The following UNC13C variants were observed in gnomAD, a reference collection of about 807,000 sequenced individuals.
UNC13C encodes protein unc-13 homolog C.
In UNC13C, 174 loss-of-function variants were observed where a neutral mutation model predicts 245.4. The observed-to-expected ratio is 0.71, with a 90% CI of 0.63 to 0.80. The LOEUF is 0.80. Among genes scored for constraint, UNC13C ranks in the 30% least tolerant of loss-of-function variants. The pLI, the probability that UNC13C is intolerant of heterozygous loss-of-function variation, is 0.00. For missense variants in UNC13C, 2,829 were observed against 2,602.9 expected, an observed-to-expected ratio of 1.09 and a Z score of -1.89; for synonymous variants, 992 against 895.1, an observed-to-expected ratio of 1.11 and a Z score of -1.93.
chr15:54,517,724 A>C (rs1011832021), intron 24 of UNC13C, among the ~76,000 whole-genome samples: 2 of 152,198 alleles, frequency 1.3e-5, no homozygotes, highest in African/African-American at 4.8e-5. Context: ...TAGGAACTGG[A>C]GATACATTAA....
the UNC13C span, among the ~76,000 whole-genome samples, chr15:53,927,221 T>G: frequency 1.3e-5 from 2 of 152,296 alleles, no homozygotes; most frequent in African/African-American, 4.8e-5. Context: ...GAATCAGGAT[T>G]TAACCTAGGC....
At chr15:54,390,903 GA>G (rs1279513401) in intron 17 of UNC13C, among the ~76,000 whole-genome samples, 1 of 140,436 alleles carries the variant, frequency 7.1e-6, no homozygotes, top group Non-Finnish European at 1.6e-5. Flanking sequence ...CCTGGTTTAT[GA>G]TAGTATTGTG....
At chr15:54,410,624 T>TC (rs1329955706) in intron 18 of UNC13C, among the ~76,000 whole-genome samples, 1 of 152,150 alleles carries the variant, frequency 6.6e-6, no homozygotes, top group East Asian at 1.9e-4. Flanking sequence ...GGGAGTCGTT[T>TC]CCCCATTGCT....
the UNC13C span, among the ~76,000 whole-genome samples, chr15:53,968,417 T>C: frequency 5.3e-5 from 8 of 152,132 alleles, no homozygotes; most frequent in African/African-American, 1.9e-4. Context: ...CACAGAAATA[T>C]AGAATGTATC....
At chr15:54,395,596 A>G (rs2040053628) in intron 18 of UNC13C, among the ~76,000 whole-genome samples, 1 of 151,894 alleles carries the variant, frequency 6.6e-6, no homozygotes, top group Non-Finnish European at 1.5e-5. Context: ...GTTTTGTTTT[A>G]GAGGCAAAGG....
intron 4 of UNC13C, among the ~76,000 whole-genome samples, chr15:54,165,659 G>A (rs748703211): frequency 3.3e-5 from 5 of 151,788 alleles, no homozygotes; most frequent in Non-Finnish European, 5.9e-5. Context: ...TTGACATCAG[G>A]TTTTAGGTTA....
At chr15:54,201,791 A>G (rs953854147) in intron 4 of UNC13C, among the ~76,000 whole-genome samples, 1 of 152,048 alleles carries the variant, frequency 6.6e-6, no homozygotes, top group Non-Finnish European at 1.5e-5. Flanking sequence ...TCTATTCAAT[A>G]TAGTACTGAA....
chr15:54,280,530 AT>A (rs918638281), intron 10 of UNC13C, among the ~76,000 whole-genome samples: 31 of 151,274 alleles, frequency 2.0e-4, no homozygotes, highest in African/African-American at 7.3e-4. Context: ...AATTGTGCTC[AT>A]TGCAGACGGA....
chr15:54,470,885 T>C (rs926717609), intron 19 of UNC13C, among the ~76,000 whole-genome samples: 9 of 151,442 alleles, frequency 5.9e-5, no homozygotes, highest in African/African-American at 2.2e-4. Context: ...TTTATTGCTA[T>C]ATATTTCCCT....
chr15:53,967,320 ATTT>A, the UNC13C span, among the ~76,000 whole-genome samples: 1 of 112,830 alleles, frequency 8.9e-6, no homozygotes, highest in Non-Finnish European at 2.0e-5. Flanking sequence ...TAAGAGCACA[ATTT>A]TTTTTTTGTT....
chr15:54,552,057 T>A lies in UNC13C; in HGVS notation c.5877+2366T>A, dbSNP rs1307746683. Among the ~76,000 whole-genome samples, 3 of 150,724 alleles carry A rather than the reference T, an allele frequency of 2.0e-5. No individual in the cohort carries two copies. In the South Asian group the frequency reaches 6.2e-4, roughly 31 times the overall value. ...AAATTTCAGAACTCCTATTTAGGAG[T>A]ATTGATAGATAACTGCCTAAAGGAA... On this transcript the variant is annotated intron_variant, in intron 28 of 32. Coordinates refer to ENST00000260323, the MANE Select transcript of UNC13C (RefSeq NM_001080534.3).
intron 13 of UNC13C, among the ~76,000 whole-genome samples, chr15:54,316,332 A>G (rs938425998): frequency 1.3e-5 from 2 of 151,748 alleles, no homozygotes; most frequent in African/African-American, 2.4e-5. Context: ...CTTTCTTTCC[A>G]TAGTGCCTTG....
chr15:54,444,386 C>T (rs1159774964), intron 19 of UNC13C, among the ~76,000 whole-genome samples: 1 of 150,928 alleles, frequency 6.6e-6, no homozygotes, highest in Non-Finnish European at 1.5e-5. Flanking sequence ...TATGTCTTTT[C>T]CATTCCTTTA....
chr15:54,197,283 C>A (rs1296757720), intron 4 of UNC13C, among the ~76,000 whole-genome samples: 1 of 151,952 alleles, frequency 6.6e-6, no homozygotes, highest in East Asian at 1.9e-4. Context: ...TCGAGACCAG[C>A]CTGGCCAACA....
intron 30 of UNC13C, among the ~76,000 whole-genome samples, chr15:54,602,792 C>T (rs943965800): frequency 8.6e-5 from 3 of 34,934 alleles, no homozygotes; most frequent in Non-Finnish European, 1.5e-4. Flanking sequence ...CTTTGCATTT[C>T]TTGATAGTTT....
chr15:54,168,178 A>G lies in UNC13C; in HGVS notation c.3071+24494A>G, dbSNP rs564330029. ...TTGAGATTTTTAACAATAAAACATT[A>G]GAAAATTATAGCTTTAAAATATACT... On this transcript the variant is annotated intron_variant, in intron 4 of 32. Transcript: ENST00000260323. 9.2e-5 allele frequency among the ~76,000 whole-genome samples: 14 copies of G among 152,340 alleles called. No individual in the cohort carries two copies. The South Asian group carries it at 2.9e-3, about 32-fold the overall frequency.
the UNC13C span, among the ~76,000 whole-genome samples, chr15:53,922,156 G>A: frequency 6.6e-6 from 1 of 152,162 alleles, no homozygotes. Flanking sequence ...AAAAAGCAAT[G>A]GGTTTGCGAG....
At chr15:53,962,315 G>C in the UNC13C span, among the ~76,000 whole-genome samples, 1 of 152,020 alleles carries the variant, frequency 6.6e-6, no homozygotes, top group Non-Finnish European at 1.5e-5. Flanking sequence ...AGAAGAGTCA[G>C]CACAGACTTA....
At chr15:53,872,990 A>G in the UNC13C span, among the ~76,000 whole-genome samples, 1 of 152,072 alleles carries the variant, frequency 6.6e-6, no homozygotes, top group African/African-American at 2.4e-5. Flanking sequence ...GCAATTTTAG[A>G]CTTTTTCTTG....
Sources: gnomAD v4.1 joint callset for allele counts (sites outside exome capture counted in the v4.1 genomes callset) on GRCh38, gnomAD v4.1.1 for gene constraint, MANE v1.5 for transcripts, NCBI Gene and HGNC (gene_info 2026-07-23, HGNC 2026-07-21) for gene names.